FAM13B: variants seen among roughly 807,000 people sequenced by gnomAD.
The protein encoded by FAM13B is family with sequence similarity 13 member B, also known as protein FAM13B.
In FAM13B, 60 loss-of-function variants were observed where a neutral mutation model predicts 117.3. That is an observed-to-expected ratio of 0.51 (90% CI 0.42 to 0.63). FAM13B has a LOEUF of 0.63. FAM13B is among the 30% of genes least tolerant of loss of function. The pLI, the probability that FAM13B is intolerant of heterozygous loss-of-function variation, is 0.00. For missense variants in FAM13B, 972 were observed against 1,091.9 expected (o/e 0.89, Z 1.55); for synonymous variants, 332 against 356.1 (o/e 0.93, Z 0.76).
At chr5:137,995,461 T>C (rs1779632085) in intron 7 of FAM13B, among the ~76,000 whole-genome samples, 1 of 152,240 alleles carries the variant, frequency 6.6e-6, no homozygotes, top group African/African-American at 2.4e-5. Context: ...GTGCTATTGT[T>C]CAATTATCCA....
chr5:137,974,256 C>T (rs1773211399), intron 10 of FAM13B, among the ~76,000 whole-genome samples: 1 of 151,784 alleles, frequency 6.6e-6, no homozygotes, highest in Admixed American at 6.6e-5. Flanking sequence ...ACATATACAC[C>T]ATGGAATACT....
intron 1 of FAM13B, among the ~76,000 whole-genome samples, chr5:138,028,913 G>A (rs1423580595): frequency 3.3e-5 from 5 of 152,174 alleles, no homozygotes; most frequent in Non-Finnish European, 5.9e-5. Context: ...CAGCTACTTG[G>A]GAGGATGAGG....
intron 7 of FAM13B, among the ~76,000 whole-genome samples, chr5:138,001,030 A>C (rs986323984): frequency 9.2e-5 from 14 of 152,140 alleles, no homozygotes; most frequent in Non-Finnish European, 1.5e-5. Flanking sequence ...TTTATTTCTA[A>C]TATGGTAAAT....
upstream of FAM13B, among the ~76,000 whole-genome samples, chr5:138,035,107 G>T (rs1307140785): frequency 2.1e-5 from 3 of 140,780 alleles, no homozygotes; most frequent in African/African-American, 8.0e-5. Flanking sequence ...CAACTTCCTG[G>T]CCTCCAGCAG....
chr5:138,042,920 T>C (rs559198029), intron 1 of FAM13B, among the ~76,000 whole-genome samples: 74 of 152,170 alleles, frequency 4.9e-4, no homozygotes, highest in African/African-American at 1.7e-3. Flanking sequence ...GGTGAAACCC[T>C]GTTTCTACTA....
intron 18 of FAM13B, among the ~76,000 whole-genome samples, chr5:137,947,976 A>T (rs551260318): frequency 6.6e-6 from 1 of 152,256 alleles, no homozygotes; most frequent in East Asian, 1.9e-4. Flanking sequence ...GAAAGACTCC[A>T]ATATTTGGAT....
At chr5:138,004,115 A>G (rs1781941219) in intron 7 of FAM13B, among the ~76,000 whole-genome samples, 1 of 152,086 alleles carries the variant, frequency 6.6e-6, no homozygotes, top group South Asian at 2.1e-4. Context: ...CTAAAAATAC[A>G]AAAATTAGCC....
At chr5:138,024,963 T>C (rs1247531442) in intron 1 of FAM13B, among the ~76,000 whole-genome samples, 1 of 151,788 alleles carries the variant, frequency 6.6e-6, no homozygotes. Flanking sequence ...CTCTGTCTCC[T>C]GGGCTCAAGC....
At chr5:138,017,176 GC>G (rs1785476954) in intron 4 of FAM13B, among the ~76,000 whole-genome samples, 2 of 152,124 alleles carry the variant, frequency 1.3e-5, no homozygotes, top group African/African-American at 2.4e-5. Context: ...CCTGAATATA[GC>G]AAGTTCAAAG....
intron 1 of FAM13B, among the ~76,000 whole-genome samples, chr5:138,029,701 G>T (rs539956143): frequency 2.0e-4 from 31 of 152,144 alleles, no homozygotes; most frequent in Non-Finnish European, 2.1e-4. Flanking sequence ...ATGATATTCA[G>T]CACCTACTAT....
intron 7 of FAM13B, among the ~76,000 whole-genome samples, chr5:137,991,699 G>A (rs1481391866): frequency 1.3e-5 from 2 of 152,170 alleles, no homozygotes; most frequent in African/African-American, 4.8e-5. Flanking sequence ...TTTAAAAAAT[G>A]AATGAGATAC....
chr5:137,958,903 T>C (rs1767330887), intron 13 of FAM13B, among the ~76,000 whole-genome samples: 1 of 152,200 alleles, frequency 6.6e-6, no homozygotes, highest in African/African-American at 2.4e-5. Context: ...AAACTGCAGG[T>C]ATCAGTAAAT....
At chr5:138,025,694 C>A (rs1319613129) in intron 1 of FAM13B, among the ~76,000 whole-genome samples, 1 of 152,048 alleles carries the variant, frequency 6.6e-6, no homozygotes, top group Non-Finnish European at 1.5e-5. Flanking sequence ...GTTGAAATAT[C>A]CATACAATCC....
chr5:137,972,286 T>C (rs1772436166), intron 10 of FAM13B, among the ~76,000 whole-genome samples: 1 of 150,380 alleles, frequency 6.6e-6, no homozygotes, highest in Non-Finnish European at 1.5e-5. Flanking sequence ...GCTTCATCCC[T>C]GGGATGCAAG....
At chr5:138,022,579 T>C (rs1001452902) in intron 1 of FAM13B, among the ~76,000 whole-genome samples, 1 of 152,246 alleles carries the variant, frequency 6.6e-6, no homozygotes, top group African/African-American at 2.4e-5. Context: ...CTGAAATGCC[T>C]GCTAAGACAT....
rs1311657760 is a variant in FAM13B, at chr5:138,011,253, A to T, written c.549-104T>A. 4 of 1,045,962 alleles carry T rather than the reference A, an allele frequency of 3.8e-6. No individual in the cohort carries two copies. In the African/African-American group the frequency reaches 6.6e-5, roughly 17 times the overall value. The allele number at this position is 1,045,962 out of a possible 1,614,324, so 64.8% of individuals were successfully genotyped here. On this transcript the variant is annotated intron_variant, in intron 5 of 23. Coordinates refer to ENST00000689681, the MANE Select transcript of FAM13B (RefSeq NM_001385994.1). ...TTTATGAACATGGGCAATTTATGTT[A>T]CCATTCTGTGCTTCCATTCTCCCAT...
intron 7 of FAM13B, among the ~76,000 whole-genome samples, chr5:137,998,628 A>C (rs1364386723): frequency 1.3e-5 from 2 of 152,232 alleles, no homozygotes; most frequent in Non-Finnish European, 1.5e-5. Flanking sequence ...TCAAGCAAAA[A>C]TCAAAATTCT....
At chr5:137,947,962 G>A (rs761055953) in intron 18 of FAM13B, among the ~76,000 whole-genome samples, 68 of 152,182 alleles carry the variant, frequency 4.5e-4, no homozygotes, top group Non-Finnish European at 8.5e-4. Flanking sequence ...CTGTTCAAGG[G>A]AAAGAAAGAC....
At chr5:138,021,239 A>C in intron 1 of FAM13B, 42 bp from the exon 2 acceptor site, 1 of 1,215,534 alleles carries the variant, frequency 8.2e-7, no homozygotes, top group Non-Finnish European at 1.0e-6. Flanking sequence ...CACATCTTTA[A>C]CTGTCAGAAG....
Sources: allele counts gnomAD v4.1 joint callset (sites outside exome capture counted in the v4.1 genomes callset), GRCh38; gene constraint gnomAD v4.1.1; transcripts MANE v1.5; gene names NCBI Gene and HGNC (gene_info 2026-07-23, HGNC 2026-07-21).